KIRREL3: variants seen among roughly 807,000 people sequenced by gnomAD.
The protein encoded by KIRREL3 is kin of IRRE-like protein 3.
Under a neutral mutation model 89.7 loss-of-function variants are expected in KIRREL3, and 36 were observed. The ratio of observed to expected loss-of-function variants is 0.40; its 90% CI spans 0.31 to 0.53. The LOEUF is 0.53. KIRREL3 is among the 20% of genes least tolerant of loss of function. The probability of loss-of-function intolerance (pLI) is 0.49; values close to 1 mark genes in which losing one functional copy is unlikely to be tolerated. For missense variants in KIRREL3, 864 were observed against 1,056.6 expected, an observed-to-expected ratio of 0.82 and a Z score of 2.53; for synonymous variants, 445 against 441.4, an observed-to-expected ratio of 1.01 and a Z score of -0.10.
rs116164622 is a variant in KIRREL3 at position 126,682,800 on chromosome 11, C to G, written c.56-119888G>C. Among the ~76,000 whole-genome samples the G allele has an allele frequency of 1.7e-3, 259 of 152,338 alleles. No homozygotes were observed. The highest frequency in any genetic ancestry group is 6.0e-3 in the African/African-American group (250 of 41,576). On this transcript the variant is annotated intron_variant, in intron 1 of 16. Coordinates refer to ENST00000525144, the MANE Select transcript of KIRREL3 (RefSeq NM_032531.4). The surrounding 1 kb of genome is among the most constrained non-coding windows in gnomAD (Gnocchi z 4.8). The stretch of plus-strand genomic sequence containing the variant: ...GGCAGAGTTCGGGCGGCAATGTTCA[C>G]TCACCTGCCGCTCACCTCCTGCTGT...
At position 126,924,510 on chromosome 11, in the gene KIRREL3, C is replaced by T. The variant is rs948117; in HGVS notation, c.55+75945G>A. On this transcript the variant is annotated intron_variant, in intron 1 of 16. Transcript: ENST00000525144. This position sits in a 1 kb window ranked among gnomAD's most constrained non-coding sequence, Gnocchi z 4.7. ...ATCCTGTGCCATTATTGTACTTGCC[C>T]GTTTGCAACAAGGAACATCTTTGGC... 6.6e-6 allele frequency among the ~76,000 whole-genome samples: 1 copy of T among 152,002 alleles called. No individual in the cohort carries two copies. Among genetic ancestry groups the T allele is most frequent in the East Asian group, 1.9e-4 (1 of 5,184 alleles).
intron 1 of KIRREL3, among the ~76,000 whole-genome samples, chr11:126,929,614 C>A (rs1484904776): frequency 6.6e-6 from 1 of 152,114 alleles, no homozygotes; most frequent in Non-Finnish European, 1.5e-5. Context: ...GGCCCCTGAC[C>A]CAGTTTTGCA....
rs563953640 is a variant in KIRREL3 at position 126,867,080 on chromosome 11, C to T, written c.55+133375G>A. Among the ~76,000 whole-genome samples, 2 of 152,324 alleles carry T rather than the reference C, an allele frequency of 1.3e-5. No homozygotes were observed. The highest frequency in any genetic ancestry group is 2.4e-5 in the African/African-American group (1 of 41,580). ...AACTGAAAGAGCACACTGTAACACA[C>T]GCCCACTGGGGCTTCAGGAGCTGTA... On this transcript the variant is annotated intron_variant, in intron 1 of 16. Transcript: ENST00000525144. This position sits in a 1 kb window ranked among gnomAD's most constrained non-coding sequence, Gnocchi z 4.7.
At chr11:126,591,863 C>T (rs605344) in intron 1 of KIRREL3, among the ~76,000 whole-genome samples, 138,005 of 152,250 alleles carry the variant, frequency 0.91, 62,574 homozygotes, top group East Asian at 0.99. Flanking sequence ...GGCCACTAAG[C>T]AGGAAGTCCT....
chr11:126,746,807 A>T (rs1949166853), intron 1 of KIRREL3, among the ~76,000 whole-genome samples: 1 of 152,098 alleles, frequency 6.6e-6, no homozygotes, highest in Non-Finnish European at 1.5e-5. Flanking sequence ...TTTGGTCCCA[A>T]ACCCCATTGT....
intron 1 of KIRREL3, among the ~76,000 whole-genome samples, chr11:126,832,028 T>C (rs994261615): frequency 1.3e-5 from 2 of 152,250 alleles, no homozygotes; most frequent in African/African-American, 4.8e-5. Flanking sequence ...TTTATACTAC[T>C]TAAATATTGG....
At chr11:126,733,889 T>C (rs1235822185) in intron 1 of KIRREL3, among the ~76,000 whole-genome samples, 1 of 152,152 alleles carries the variant, frequency 6.6e-6, no homozygotes, top group African/African-American at 2.4e-5. Context: ...TGGGAGGAAA[T>C]AAATAAAACA....
chr11:126,762,132 AACATTGCACTCCAGCTT>A (rs1422111452), intron 1 of KIRREL3, among the ~76,000 whole-genome samples: 1 of 152,076 alleles, frequency 6.6e-6, no homozygotes. Context: ...CTGAGGTCAC[AACATTGCACTCCAGCTT>A]GGGTGACAGA....
At chr11:126,472,690 C>G (rs1287360011) in intron 5 of KIRREL3, among the ~76,000 whole-genome samples, 1 of 93,900 alleles carries the variant, frequency 1.1e-5, no homozygotes, top group Non-Finnish European at 2.2e-5. Context: ...CAGCAGTTAC[C>G]CTAGGACATA....
At chr11:126,585,785 C>T (rs1431919847) in intron 1 of KIRREL3, among the ~76,000 whole-genome samples, 1 of 152,174 alleles carries the variant, frequency 6.6e-6, no homozygotes, top group African/African-American at 2.4e-5. Flanking sequence ...TCTGGGGGGG[C>T]ATCTAGCTAA....
At chr11:126,650,216 C>T (rs1406686310) in intron 1 of KIRREL3, among the ~76,000 whole-genome samples, 1 of 152,252 alleles carries the variant, frequency 6.6e-6, no homozygotes, top group Non-Finnish European at 1.5e-5. Flanking sequence ...GGAAGGGCTG[C>T]CACGAAAACC....
chr11:126,723,224 C>T lies in KIRREL3; in HGVS notation c.56-160312G>A, dbSNP rs1948250061. On this transcript the variant is annotated intron_variant, in intron 1 of 16. Coordinates refer to ENST00000525144, the MANE Select transcript of KIRREL3 (RefSeq NM_032531.4). This position sits in a 1 kb window ranked among gnomAD's most constrained non-coding sequence, Gnocchi z 4.0. ...CTTAGCATACAGAGCTGGATTTCCC[C>T]CACTGAAACCTCCACAGCCCTCCTA... Among the ~76,000 whole-genome samples, 1 of 152,158 alleles carries T rather than the reference C, an allele frequency of 6.6e-6. No homozygotes were observed. Among genetic ancestry groups the T allele is most frequent in the Admixed American group, 6.5e-5 (1 of 15,284 alleles).
intron 4 of KIRREL3, among the ~76,000 whole-genome samples, chr11:126,514,813 CCAACACAACACAACACAACACAACA>C (rs61108090): frequency 3.4e-5 from 5 of 145,666 alleles, no homozygotes; most frequent in Non-Finnish European, 7.5e-5. Context: ...CATTGCCTCT[CCAACACAACACAACACAACACAACA>C]CAACACAACA....
chr11:126,458,310 C>G (rs1405041359), intron 6 of KIRREL3, among the ~76,000 whole-genome samples: 2 of 152,232 alleles, frequency 1.3e-5, no homozygotes, highest in Non-Finnish European at 2.9e-5. Flanking sequence ...TGGTCTCTTT[C>G]GGTCCCCATG....
At position 126,764,866 on chromosome 11, in the gene KIRREL3, A is replaced by G. The variant is rs560232716; in HGVS notation, c.56-201954T>C. Among the ~76,000 whole-genome samples, 241 of 151,940 alleles carry G rather than the reference A, an allele frequency of 1.6e-3. 1 individual carries two copies. The highest frequency in any genetic ancestry group is 2.9e-3 in the Non-Finnish European group (196 of 67,958). On this transcript the variant is annotated intron_variant, in intron 1 of 16. Transcript: ENST00000525144. This position sits in a 1 kb window ranked among gnomAD's most constrained non-coding sequence, Gnocchi z 4.2. ...ACTAGGCCTTTGGCAGGAGTCCTCT[A>G]CTCTCGGCCTGGATCCTCTTCAATG...
chr11:126,881,268 A>T (rs1722981984), intron 1 of KIRREL3, among the ~76,000 whole-genome samples: 1 of 152,114 alleles, frequency 6.6e-6, no homozygotes, highest in South Asian at 2.1e-4. Flanking sequence ...CTCTCTGTTA[A>T]TGGGGCTTCT....
At position 126,812,964 on chromosome 11, in the gene KIRREL3, C is replaced by T. The variant is rs1951438091; in HGVS notation, c.55+187491G>A. On this transcript the variant is annotated intron_variant, in intron 1 of 16. Coordinates refer to ENST00000525144, the MANE Select transcript of KIRREL3 (RefSeq NM_032531.4). This position sits in a 1 kb window ranked among gnomAD's most constrained non-coding sequence, Gnocchi z 5.2. ...AGTTCACGGCCCAGGTGAGACCACA[C>T]TGCAGAACATAATGTGCAGATCAAG... Among the ~76,000 whole-genome samples the T allele has an allele frequency of 6.6e-6, 1 of 152,208 alleles. No individual in the cohort carries two copies. Among genetic ancestry groups the T allele is most frequent in the South Asian group, 2.1e-4 (1 of 4,832 alleles).
chr11:126,840,873 G>A (rs1943943039), intron 1 of KIRREL3, among the ~76,000 whole-genome samples: 1 of 152,202 alleles, frequency 6.6e-6, no homozygotes, highest in South Asian at 2.1e-4. Context: ...CTGGCAATTT[G>A]GAGATGCCAA....
In KIRREL3 at chr11:126,778,989, A is replaced by G. The variant is rs1950247252; in HGVS notation, c.56-216077T>C. Among the ~76,000 whole-genome samples, 2 of 152,164 alleles carry G rather than the reference A, an allele frequency of 1.3e-5. No homozygotes were observed. On this transcript the variant is annotated intron_variant, in intron 1 of 16. Coordinates refer to ENST00000525144, the MANE Select transcript of KIRREL3 (RefSeq NM_032531.4). This position sits in a 1 kb window ranked among gnomAD's most constrained non-coding sequence, Gnocchi z 4.5. ...GCGCGGAACTTGGAACACAGCAGAA[A>G]CTCAACAAATGCCTTCCATGCCCAG...
Sources: allele counts gnomAD v4.1 joint callset (sites outside exome capture counted in the v4.1 genomes callset), GRCh38; gene constraint gnomAD v4.1.1; non-coding constraint Gnocchi (gnomAD v3.1); transcripts MANE v1.5; gene names NCBI Gene and HGNC (gene_info 2026-07-23, HGNC 2026-07-21).